The following ANKS3 variants were observed in gnomAD, a reference collection of about 807,000 sequenced individuals.
ANKS3 encodes ankyrin repeat and sterile alpha motif domain containing 3.
In ANKS3, 62 loss-of-function variants were observed where a neutral mutation model predicts 80.7. The observed-to-expected ratio is 0.77, with a 90% CI of 0.63 to 0.95. ANKS3 has a LOEUF of 0.95. Ranked by LOEUF, ANKS3 falls within the 40% of genes least tolerant of loss-of-function variation. The pLI, the probability that ANKS3 is intolerant of heterozygous loss-of-function variation, is 0.00. For missense variants in ANKS3, 1,150 were observed against 883.6 expected (o/e 1.30, Z -3.82); for synonymous variants, 489 against 355.3 (o/e 1.38, Z -4.23).
At chr16:4,699,490 C>G (rs1346593507) in intron 11 of ANKS3, 1 of 362,116 alleles carries the variant, frequency 2.8e-6, no homozygotes, top group East Asian at 5.5e-5. Context: ...GCTTTGTAGG[C>G]GGAGAGCGCT....
At chr16:4,699,024 A>T in intron 12 of ANKS3, 28 bp downstream of exon 12, 1 of 1,614,150 alleles carries the variant, frequency 6.2e-7, no homozygotes, top group Non-Finnish European at 8.5e-7. Flanking sequence ...CCCCGGGCTG[A>T]GGGCCAGAGC....
At chr16:4,716,186 T>C (rs1461471407) in intron 6 of ANKS3, among the ~76,000 whole-genome samples, 2 of 151,374 alleles carry the variant, frequency 1.3e-5, no homozygotes, top group African/African-American at 4.9e-5. Context: ...TGAATCCTCA[T>C]CTCTACTACA....
intron 16 of ANKS3, 26 bp downstream of exon 16, chr16:4,697,297 AAGGAGCGCTC>A: frequency 6.3e-7 from 1 of 1,576,474 alleles, no homozygotes; most frequent in Non-Finnish European, 8.6e-7. Flanking sequence ...TCGGAAACAA[AAGGAGCGCTC>A]AGTCGTCTGG....
intron 6 of ANKS3, among the ~76,000 whole-genome samples, chr16:4,721,991 T>C (rs1444966981): frequency 6.6e-6 from 1 of 151,146 alleles, no homozygotes; most frequent in African/African-American, 2.4e-5. Context: ...TTTTAAAAAA[T>C]GCAAGATGGG....
In ANKS3 at chr16:4,696,891, C is replaced by G. The variant is rs1392104765; in HGVS notation, c.*17G>C. On this transcript the variant is annotated 3_prime_UTR_variant, in exon 18 of 18. Transcript: ENST00000304283. The stretch of plus-strand genomic sequence containing the variant: ...TCAGGGTGGACCAATCACCCAACGT[C>G]AGATTCTGAAAGAAAAAGCCCCGGT... 1.2e-6 allele frequency: 1 copy of G among 865,060 alleles called. No individual in the cohort carries two copies. The highest frequency in any genetic ancestry group is 1.8e-6 in the Non-Finnish European group (1 of 546,324). 53.6% of individuals were successfully genotyped at this position (865,060 alleles called of 1,614,324 possible).
At chr16:4,706,848 G>C (rs2080220993) in intron 7 of ANKS3, among the ~76,000 whole-genome samples, 1 of 152,216 alleles carries the variant, frequency 6.6e-6, no homozygotes, top group African/African-American at 2.4e-5. Flanking sequence ...CCAGGGAAGA[G>C]GCTGGGCTGA....
At chr16:4,732,269 A>G (rs2081659967) in intron 1 of ANKS3, among the ~76,000 whole-genome samples, 1 of 152,124 alleles carries the variant, frequency 6.6e-6, no homozygotes, top group Non-Finnish European at 1.5e-5. Context: ...CGAAGCCTGG[A>G]TAAGAAACCA....
At chr16:4,733,422 G>A (rs942465988) in intron 1 of ANKS3, among the ~76,000 whole-genome samples, 4 of 151,916 alleles carry the variant, frequency 2.6e-5, no homozygotes, top group Admixed American at 2.0e-4. Context: ...TTCCCGAGTA[G>A]CTGAGATTAC....
intron 14 of ANKS3, 149 bp downstream of exon 14, chr16:4,698,278 G>A (rs942660568): frequency 1.6e-6 from 2 of 1,237,930 alleles, no homozygotes; most frequent in African/African-American, 1.5e-5. Context: ...CTGCAGGAAG[G>A]AAGGGCCTGA....
At chr16:4,729,197 A>G (rs2081503146) in intron 3 of ANKS3, among the ~76,000 whole-genome samples, 1 of 152,150 alleles carries the variant, frequency 6.6e-6, no homozygotes, top group South Asian at 2.1e-4. Context: ...ACTATTGTAC[A>G]CAGATTAGCA....
chr16:4,716,819 G>A (rs2080825647), intron 6 of ANKS3, among the ~76,000 whole-genome samples: 1 of 152,128 alleles, frequency 6.6e-6, no homozygotes, highest in African/African-American at 2.4e-5. Context: ...GGAGGCTGAG[G>A]GAGGAGAAAT....
chr16:4,697,790 G>A (rs1018644119), intron 15 of ANKS3, among the ~76,000 whole-genome samples, 187 bp downstream of exon 15: 8 of 152,212 alleles, frequency 5.3e-5, no homozygotes, highest in African/African-American at 1.9e-4. Flanking sequence ...TCCTGTCACA[G>A]GTGAGGAAGT....
chr16:4,704,514 C>T (rs1014507176), intron 8 of ANKS3, among the ~76,000 whole-genome samples: 1 of 152,188 alleles, frequency 6.6e-6, no homozygotes, highest in African/African-American at 2.4e-5. Flanking sequence ...AACCCCAGCA[C>T]TCCCCAAGAG....
At chr16:4,717,454 G>C (rs1273048414) in intron 6 of ANKS3, 2 of 151,952 alleles carry the variant, frequency 1.3e-5, no homozygotes, top group Admixed American at 1.3e-4. Flanking sequence ...TGTAATCCCA[G>C]CTACTCGGGA....
intron 6 of ANKS3, among the ~76,000 whole-genome samples, chr16:4,716,879 C>T (rs112217583): frequency 0.012 from 1,787 of 152,060 alleles, 17 homozygotes; most frequent in Non-Finnish European, 0.018. Context: ...CGCGCCACTG[C>T]ACTACAGCCT....
chr16:4,734,173 C>A lies in ANKS3; in HGVS notation c.-306G>T, dbSNP rs2081827089. On this transcript the variant is annotated 5_prime_UTR_variant, in exon 1 of 18. Transcript: ENST00000304283. ...GAACCCACCTGTGCTGGGCCTCAGG[C>A]CTTGCGCCGCCCTCGGGCTGCCGTC... 3.1e-6 allele frequency: 1 copy of A among 321,098 alleles called. No individual in the cohort carries two copies. Among genetic ancestry groups the A allele is most frequent in the Non-Finnish European group, 4.5e-6 (1 of 224,454 alleles). The allele number at this position is 321,098 out of a possible 1,614,324, so 19.9% of individuals were successfully genotyped here. A position where few individuals can be genotyped will look rare whatever the true frequency, so the allele number is the denominator to read the frequency against.
chr16:4,697,618 G>A (rs946870637), intron 15 of ANKS3, among the ~76,000 whole-genome samples: 28 of 152,240 alleles, frequency 1.8e-4, no homozygotes, highest in African/African-American at 6.0e-4. Flanking sequence ...AACACTACGA[G>A]GCCCGGGTCA....
intron 2 of ANKS3, among the ~76,000 whole-genome samples, chr16:4,730,918 G>C (rs2081582324): frequency 6.6e-6 from 1 of 151,812 alleles, no homozygotes; most frequent in African/African-American, 2.4e-5. Flanking sequence ...CCAATCCCTA[G>C]TGCCTCACTG....
intron 9 of ANKS3, 151 bp from the exon 10 acceptor site, chr16:4,701,694 C>T (rs970888646): frequency 1.5e-6 from 1 of 646,846 alleles, no homozygotes; most frequent in Non-Finnish European, 2.6e-6. Context: ...TGTCCTAAAC[C>T]CTCCCCTCTA....
Sources: gnomAD v4.1 joint callset for allele counts (sites outside exome capture counted in the v4.1 genomes callset) on GRCh38, gnomAD v4.1.1 for gene constraint, MANE v1.5 for transcripts, NCBI Gene and HGNC (gene_info 2026-07-23, HGNC 2026-07-21) for gene names.